The following ASB9 variants were observed in gnomAD, a reference collection of about 807,000 sequenced individuals.
The protein encoded by ASB9 is ankyrin repeat and SOCS box containing 9, also known as ankyrin repeat and SOCS box protein 9.
In ASB9, 5 loss-of-function variants were observed where a neutral mutation model predicts 16.6. The observed-to-expected ratio is 0.30, with a 90% CI of 0.16 to 0.63. ASB9 has a LOEUF of 0.63. Among genes scored for constraint, ASB9 ranks in the 30% least tolerant of loss-of-function variants. The probability of loss-of-function intolerance (pLI) is 0.82; values close to 1 mark genes in which losing one functional copy is unlikely to be tolerated. For synonymous variants in ASB9, 100 were observed against 86.4 expected, an observed-to-expected ratio of 1.16 and a Z score of -0.87; for missense variants, 216 against 229.4, an observed-to-expected ratio of 0.94 and a Z score of 0.38.
At chrX:15,260,368 A>C (rs1217244317) in intron 1 of ASB9, among the ~76,000 whole-genome samples, 1 of 112,364 alleles carries the variant, frequency 8.9e-6, no homozygotes, top group Non-Finnish European at 1.9e-5. Flanking sequence ...ACTGCACTCC[A>C]GCCTGGGTGA....
chrX:15,270,255 T>C (rs1926877528), upstream of ASB9: 1 of 127,630 alleles, frequency 7.8e-6, no homozygotes, highest in Non-Finnish European at 1.6e-5. Context: ...GGAAACTCAG[T>C]TTGTAACTTT....
chrX:15,246,914 G>T lies in ASB9; in HGVS notation c.760+1830C>A, dbSNP rs143741231. 3.2e-3 allele frequency among the ~76,000 whole-genome samples: 355 copies of T among 111,745 alleles called. 1 individual carries two copies. Among genetic ancestry groups the T allele is most frequent in the African/African-American group, 0.01 (319 of 30,752 alleles). On this transcript the variant is annotated intron_variant, in intron 6 of 6. Transcript: ENST00000380488. Reference sequence around the variant, plus strand: ...TTAGATGCTTATCAAGGGTGAGGTGGCAATATTCTTAAAATCTTTTCCCTT... The same window carrying T: ...TTAGATGCTTATCAAGGGTGAGGTGTCAATATTCTTAAAATCTTTTCCCTT...
intron 1 of ASB9, among the ~76,000 whole-genome samples, chrX:15,260,354 T>A (rs189822553): frequency 1.4e-4 from 16 of 111,944 alleles, no homozygotes; most frequent in Admixed American, 1.4e-3. Flanking sequence ...GCCGAGATCA[T>A]GCCACTGCAC....
intron 3 of ASB9, among the ~76,000 whole-genome samples, chrX:15,253,813 T>C (rs1221558159): frequency 9.0e-6 from 1 of 111,643 alleles, no homozygotes; most frequent in Non-Finnish European, 1.9e-5. Flanking sequence ...ATCTGGTGAA[T>C]CTTTTAAGCA....
intron 4 of ASB9, 143 bp downstream of exon 4, chrX:15,252,111 G>C (rs1925163520): frequency 1.6e-6 from 1 of 622,032 alleles, no homozygotes; most frequent in South Asian, 3.8e-5. Context: ...GCATTTGCAG[G>C]CCAGGTCATG....
chrX:15,262,168 A>T (rs1265811122), intron 1 of ASB9, among the ~76,000 whole-genome samples: 1 of 108,859 alleles, frequency 9.2e-6, no homozygotes, highest in Non-Finnish European at 1.9e-5. Context: ...TGTATGGATA[A>T]GCCACATTTT....
chrX:15,248,639 G>C, intron 6 of ASB9, 105 bp downstream of exon 6: 2 of 1,109,250 alleles, frequency 1.8e-6, no homozygotes, highest in Non-Finnish European at 2.4e-6. Context: ...GTCAGAGAAT[G>C]ATCTTTTTAT....
At chrX:15,269,033 G>A (rs1261704995) in intron 1 of ASB9, among the ~76,000 whole-genome samples, 2 of 110,866 alleles carry the variant, frequency 1.8e-5, no homozygotes, top group Non-Finnish European at 3.8e-5. Context: ...TTTCCTTCCC[G>A]ATAAACTCCA....
chrX:15,263,591 TC>T (rs1202926365), intron 1 of ASB9, among the ~76,000 whole-genome samples: 1 of 19,722 alleles, frequency 5.1e-5, no homozygotes, highest in Non-Finnish European at 8.8e-5. Flanking sequence ...CTCTCTCTTC[TC>T]TCTCTCTCTC....
chrX:15,254,028 C>T (rs1415166350), intron 3 of ASB9, among the ~76,000 whole-genome samples: 1 of 111,569 alleles, frequency 9.0e-6, no homozygotes, highest in African/African-American at 3.3e-5. Flanking sequence ...TGACACGTTC[C>T]CTGTTTCCAA....
chrX:15,254,734 T>C lies in ASB9; in HGVS notation c.282+3A>G, dbSNP rs1450783078. ...TCTAAGATGTTGTTTCAGCTGCCCTTACCTGAGCTCCATGCTTTAATAAAA... is the reference window on the plus strand; with the variant it reads ...TCTAAGATGTTGTTTCAGCTGCCCTCACCTGAGCTCCATGCTTTAATAAAA... On this transcript the variant is annotated splice_donor_region_variant and intron_variant, in intron 3 of 6. Transcript: ENST00000380488. 3 of 1,196,457 alleles carry C rather than the reference T, an allele frequency of 2.5e-6. No homozygotes were observed. Among genetic ancestry groups the C allele is most frequent in the East Asian group, 3.0e-5 (1 of 33,714 alleles).
intron 1 of ASB9, among the ~76,000 whole-genome samples, chrX:15,265,405 T>C (rs186922182): frequency 1.8e-5 from 2 of 112,424 alleles, no homozygotes; most frequent in Admixed American, 1.9e-4. Context: ...TTCTGTTAGT[T>C]CCAACATTTA....
chrX:15,246,044 T>C (rs1924640343), intron 6 of ASB9, among the ~76,000 whole-genome samples: 1 of 111,600 alleles, frequency 9.0e-6, no homozygotes. Context: ...AAGCACACTG[T>C]GGGGAAACTG....
chrX:15,248,046 G>A (rs764985360), intron 6 of ASB9, among the ~76,000 whole-genome samples: 4 of 111,932 alleles, frequency 3.6e-5, no homozygotes, highest in East Asian at 2.8e-4. Flanking sequence ...TCCATACTCC[G>A]GTAAGAAAAG....
At chrX:15,247,874 G>T (rs928016381) in intron 6 of ASB9, among the ~76,000 whole-genome samples, 2 of 112,078 alleles carry the variant, frequency 1.8e-5, no homozygotes, top group African/African-American at 6.5e-5. Flanking sequence ...CTGGGGCAGT[G>T]AGAGTAGGAG....
intron 6 of ASB9, among the ~76,000 whole-genome samples, chrX:15,248,120 A>G (rs755482529): frequency 1.1e-4 from 12 of 111,780 alleles, no homozygotes; most frequent in Non-Finnish European, 1.9e-4. Context: ...TGGCTCCCCA[A>G]CTTGAGGTGT....
At chrX:15,270,081 TACACACACACACAC>T (rs370190376) in exon 1 of ASB9, 2 of 296,673 alleles carry the variant, frequency 6.7e-6, no homozygotes, top group East Asian at 1.2e-4. Flanking sequence ...TGCGCTCGTG[TACACACACACACAC>T]ACACACACAC....
intron 2 of ASB9, among the ~76,000 whole-genome samples, chrX:15,258,186 A>G (rs1783556521): frequency 8.9e-6 from 1 of 112,296 alleles, no homozygotes; most frequent in African/African-American, 3.2e-5. Flanking sequence ...GGGCTCTAAA[A>G]AGACATCTTA....
chrX:15,263,841 A>G (rs893372297), intron 1 of ASB9, among the ~76,000 whole-genome samples: 29 of 111,979 alleles, frequency 2.6e-4, no homozygotes, highest in Admixed American at 1.9e-4. Context: ...ATATCTCTAC[A>G]GTTGTCAGTC....
Sources: gnomAD v4.1 joint callset for allele counts (sites outside exome capture counted in the v4.1 genomes callset) on GRCh38, gnomAD v4.1.1 for gene constraint, MANE v1.5 for transcripts, NCBI Gene and HGNC (gene_info 2026-07-23, HGNC 2026-07-21) for gene names.